The following CPLX2 variants were observed in gnomAD, a reference collection of about 807,000 sequenced individuals.
The protein encoded by CPLX2 is complexin 2.
Under a neutral mutation model 16.3 loss-of-function variants are expected in CPLX2, and 5 were observed. That is an observed-to-expected ratio of 0.31 (90% CI 0.16 to 0.64). The LOEUF is 0.64. Ranked by LOEUF, CPLX2 falls within the 30% of genes least tolerant of loss-of-function variation. The pLI is 0.79. For synonymous variants in CPLX2, 89 were observed against 73.2 expected (o/e 1.22, Z -1.10); for missense variants, 144 against 181.4 (o/e 0.79, Z 1.18).
chr5:175,807,941 C>A (rs1396915184), intron 1 of CPLX2, among the ~76,000 whole-genome samples: 1 of 152,226 alleles, frequency 6.6e-6, no homozygotes, highest in African/African-American at 2.4e-5. Context: ...TGCCTCTCAT[C>A]CTTAGTCCTC....
upstream of CPLX2, chr5:175,871,510 G>A (rs548630055): frequency 7.3e-6 from 1 of 137,376 alleles, no homozygotes; most frequent in Non-Finnish European, 1.6e-5. Flanking sequence ...TCTGGAAGGG[G>A]AGCGGTAGAA....
chr5:175,848,188 G>A (rs1338097931), intron 2 of CPLX2, among the ~76,000 whole-genome samples: 1 of 152,178 alleles, frequency 6.6e-6, no homozygotes, highest in African/African-American at 2.4e-5. Context: ...GGGGGGCGGG[G>A]GGCAGGGAAG....
At position 175,830,864 on chromosome 5, in the gene CPLX2, G is replaced by A. The variant is rs542208791; in HGVS notation, c.-89+21796G>A. 6.6e-6 allele frequency among the ~76,000 whole-genome samples: 1 copy of A among 152,352 alleles called. No individual in the cohort carries two copies. Among genetic ancestry groups the A allele is most frequent in the African/African-American group, 2.4e-5 (1 of 41,578 alleles). ...ACATGTCACCTGCCAAGGGAAGCAGGTGGGTCTGCTCCAAACAAGCCTCGA... is the reference window on the plus strand; with the variant it reads ...ACATGTCACCTGCCAAGGGAAGCAGATGGGTCTGCTCCAAACAAGCCTCGA... On this transcript the variant is annotated intron_variant, in intron 2 of 4. Transcript: ENST00000359546. The surrounding 1 kb of genome is among the most constrained non-coding windows in gnomAD (Gnocchi z 4.0).
intron 2 of CPLX2, among the ~76,000 whole-genome samples, chr5:175,860,890 T>C (rs1234709008): frequency 6.6e-6 from 1 of 151,742 alleles, no homozygotes; most frequent in African/African-American, 2.4e-5. Flanking sequence ...AAATGTATTA[T>C]GACCACAGCA....
chr5:175,832,387 G>T lies in CPLX2; in HGVS notation c.-89+23319G>T, dbSNP rs542381686. ...AGAGAGATGACCTGACTTACCTGAG[G>T]TTGCACACAGTGCTGAGAGCCAAAC... On this transcript the variant is annotated intron_variant, in intron 2 of 4. Transcript: ENST00000359546. Among the ~76,000 whole-genome samples the T allele has an allele frequency of 3.9e-5, 6 of 152,346 alleles. No homozygotes were observed. In the East Asian group the frequency reaches 5.8e-4, roughly 15 times the overall value.
intron 2 of CPLX2, among the ~76,000 whole-genome samples, chr5:175,829,188 G>A (rs886456119): frequency 6.6e-6 from 1 of 152,224 alleles, no homozygotes; most frequent in Non-Finnish European, 1.5e-5. Flanking sequence ...CAGCCTTAAG[G>A]CTTTTTGCGT....
chr5:175,875,116 G>C (rs1308359677), intron 1 of CPLX2, among the ~76,000 whole-genome samples: 1 of 152,210 alleles, frequency 6.6e-6, no homozygotes, highest in South Asian at 2.1e-4. Flanking sequence ...AGGCAGCAGA[G>C]CTCTGGTCTC....
At chr5:175,876,696 C>G (rs770895705) in intron 1 of CPLX2, among the ~76,000 whole-genome samples, 4 of 152,158 alleles carry the variant, frequency 2.6e-5, no homozygotes, top group Non-Finnish European at 2.9e-5. Flanking sequence ...GCCCTGCCTA[C>G]CAATTTGGAA....
upstream of CPLX2, among the ~76,000 whole-genome samples, chr5:175,869,019 A>G (rs772894365): frequency 1.8e-4 from 27 of 152,348 alleles, no homozygotes; most frequent in Middle Eastern, 3.4e-3. Flanking sequence ...GAAAGCTCAA[A>G]TATTCACTAT....
intron 2 of CPLX2, among the ~76,000 whole-genome samples, chr5:175,839,266 TG>T (rs1343192545): frequency 1.0e-3 from 155 of 147,930 alleles, no homozygotes; most frequent in African/African-American, 3.9e-3. Context: ...CATGAATTTT[TG>T]TTTTTTTGTT....
intron 2 of CPLX2, among the ~76,000 whole-genome samples, chr5:175,828,364 C>G (rs1248545212): frequency 6.6e-6 from 1 of 152,122 alleles, no homozygotes; most frequent in East Asian, 1.9e-4. Flanking sequence ...CATGTGCTCT[C>G]TATTACCCAG....
Position 175,823,382 on chromosome 5 carries a change from ATGAG to A in CPLX2, c.-89+14321_-89+14324del, listed in dbSNP as rs201452208. ...AGGATAGATGAGGGTAGGTGAATGAATGAGTGAGTGGTGGAGCGTATGAACGATG... is the reference window on the plus strand; with the variant it reads ...AGGATAGATGAGGGTAGGTGAATGAATGAGTGGTGGAGCGTATGAACGATG... On this transcript the variant is annotated intron_variant, in intron 2 of 4. Coordinates refer to the CPLX2 transcript ENST00000359546. Among the ~76,000 whole-genome samples the A allele has an allele frequency of 6.8e-3, 1,033 of 152,290 alleles. 12 individuals are homozygous for A. Among genetic ancestry groups the A allele is most frequent in the African/African-American group, 0.024 (988 of 41,568 alleles).
At chr5:175,806,015 G>A (rs920512681) in intron 1 of CPLX2, among the ~76,000 whole-genome samples, 2 of 152,122 alleles carry the variant, frequency 1.3e-5, no homozygotes, top group East Asian at 1.9e-4. Context: ...CCTGTCCACA[G>A]CCTGTTAAGA....
At chr5:175,808,661 T>C (rs1419705337) in intron 1 of CPLX2, among the ~76,000 whole-genome samples, 1 of 152,180 alleles carries the variant, frequency 6.6e-6, no homozygotes, top group African/African-American at 2.4e-5. Context: ...ATCCTGTCCC[T>C]TTACACCAAT....
chr5:175,879,999 T>C lies in CPLX2; in HGVS notation c.359T>C (p.Val120Ala), dbSNP rs368317661. ...EEEEESILDT[V>A]LKYLPGPLQD... is the part of the protein sequence containing the mutation. ...GAAGAGGAGAGCATCCTGGACACGG[T>C]GCTCAAATACCTGCCCGGGCCGCTG... The change falls in exon 4 of 4, where the codon GTG becomes GCG. Residue 120 changes from valine (V) to alanine (A), a missense_variant. Coordinates refer to ENST00000393745, the MANE Select transcript of CPLX2 (RefSeq NM_001008220.2). 3 of 1,613,850 alleles carry C rather than the reference T, an allele frequency of 1.9e-6. No individual in the cohort carries two copies. In the African/African-American group the frequency reaches 4.0e-5, roughly 22 times the overall value.
chr5:175,827,048 C>T (rs1758628519), intron 2 of CPLX2, among the ~76,000 whole-genome samples: 1 of 152,186 alleles, frequency 6.6e-6, no homozygotes, highest in South Asian at 2.1e-4. Context: ...GTTTCTGCTG[C>T]TCCAGACTTA....
chr5:175,797,114 C>A (rs951173819), intron 1 of CPLX2, among the ~76,000 whole-genome samples: 1 of 152,180 alleles, frequency 6.6e-6, no homozygotes, highest in Non-Finnish European at 1.5e-5. Context: ...TGCTAAGGAC[C>A]GTCCCTCGCC....
chr5:175,873,261 TAC>T (rs10610248), intron 1 of CPLX2, among the ~76,000 whole-genome samples: 99,216 of 150,246 alleles, frequency 0.66, 33,187 homozygotes, highest in East Asian at 0.91. Context: ...TGGCAAAACA[TAC>T]ACACACACAC....
intron 2 of CPLX2, among the ~76,000 whole-genome samples, chr5:175,853,257 T>C (rs1383369968): frequency 2.0e-5 from 3 of 152,198 alleles, no homozygotes; most frequent in Admixed American, 1.3e-4. Flanking sequence ...GCAAATACCA[T>C]AGAGGTGCTA....
Sources: allele counts gnomAD v4.1 joint callset (sites outside exome capture counted in the v4.1 genomes callset), GRCh38; gene constraint gnomAD v4.1.1; non-coding constraint Gnocchi (gnomAD v3.1); transcripts MANE v1.5; gene names NCBI Gene and HGNC (gene_info 2026-07-23, HGNC 2026-07-21).